The following OPCML variants were observed in gnomAD, a reference collection of about 807,000 sequenced individuals.
OPCML encodes opioid binding protein/cell adhesion molecule like.
A neutral mutation model predicts 37.8 loss-of-function variants in OPCML; 13 were observed. The observed-to-expected ratio is 0.34, with a 90% CI of 0.22 to 0.55. The LOEUF (loss-of-function observed/expected upper bound fraction) is 0.55, where lower values mean the gene tolerates loss of function less well. OPCML is among the 20% of genes least tolerant of loss of function. The pLI, the probability that OPCML is intolerant of heterozygous loss-of-function variation, is 0.91. For missense variants in OPCML, 341 were observed against 435.6 expected (o/e 0.78, Z 1.93); for synonymous variants, 176 against 168.8 (o/e 1.04, Z -0.33).
At chr11:132,975,581 A>AAAC (rs1591868122) in intron 1 of OPCML, among the ~76,000 whole-genome samples, 4 of 127,334 alleles carry the variant, frequency 3.1e-5, no homozygotes, top group Admixed American at 2.7e-4. Context: ...AAAAAAAAAA[A>AAAC]AACAAGCACA....
chr11:132,502,863 G>A (rs913976027), intron 4 of OPCML, among the ~76,000 whole-genome samples: 7 of 152,152 alleles, frequency 4.6e-5, no homozygotes, highest in African/African-American at 1.7e-4. Context: ...CCTCTCTCAC[G>A]ATGACGATGA....
chr11:132,554,624 C>T (rs1383154838), intron 3 of OPCML, among the ~76,000 whole-genome samples: 1 of 152,150 alleles, frequency 6.6e-6, no homozygotes, highest in African/African-American at 2.4e-5. Flanking sequence ...GGTGTCTCAG[C>T]TCATGGTGCC....
chr11:133,110,921 G>A lies in OPCML; in HGVS notation c.62-167911C>T, dbSNP rs186002406. 3.0e-4 allele frequency among the ~76,000 whole-genome samples: 46 copies of A among 152,232 alleles called. 1 individual carries two copies. Among genetic ancestry groups the A allele is most frequent in the African/African-American group, 1.1e-3 (44 of 41,546 alleles). ...GAACACTCATTAACCCCATGCCATT[G>A]GGCAGTTAGTAAACCTTTCTGGTCC... On this transcript the variant is annotated intron_variant, in intron 1 of 7. Transcript: ENST00000524381.
intron 1 of OPCML, among the ~76,000 whole-genome samples, chr11:133,477,989 G>A (rs1450273552): frequency 6.6e-6 from 1 of 152,222 alleles, no homozygotes; most frequent in East Asian, 1.9e-4. Flanking sequence ...TCTATGAGAT[G>A]TGCTTACTGC....
intron 7 of OPCML, among the ~76,000 whole-genome samples, chr11:132,425,038 C>T (rs2095973488): frequency 6.6e-6 from 1 of 152,146 alleles, no homozygotes; most frequent in African/African-American, 2.4e-5. Flanking sequence ...AGCTTCCTGG[C>T]TAGGTCAAAG....
chr11:133,260,931 A>T (rs2136455926), intron 1 of OPCML, among the ~76,000 whole-genome samples: 1 of 152,274 alleles, frequency 6.6e-6, no homozygotes, highest in South Asian at 2.1e-4. Flanking sequence ...AAGGTGGAGG[A>T]CAGAGGCAGA....
At chr11:132,536,505 T>G (rs545262105) in intron 3 of OPCML, among the ~76,000 whole-genome samples, 7 of 152,312 alleles carry the variant, frequency 4.6e-5, no homozygotes, top group African/African-American at 1.4e-4. Flanking sequence ...CTTAAAAATC[T>G]ATTATTATTG....
At chr11:132,549,468 A>G (rs375349462) in intron 3 of OPCML, among the ~76,000 whole-genome samples, 5 of 152,310 alleles carry the variant, frequency 3.3e-5, no homozygotes, top group African/African-American at 1.2e-4. Flanking sequence ...TGGAGTGGTC[A>G]CTCTTTTATT....
intron 1 of OPCML, among the ~76,000 whole-genome samples, chr11:133,107,402 A>G (rs1949176275): frequency 6.6e-6 from 1 of 152,188 alleles, no homozygotes; most frequent in Non-Finnish European, 1.5e-5. Context: ...AAATGCCCTC[A>G]CTGATTTACA....
chr11:133,456,839 A>C (rs1019338010), intron 1 of OPCML, among the ~76,000 whole-genome samples: 1 of 152,180 alleles, frequency 6.6e-6, no homozygotes, highest in African/African-American at 2.4e-5. Context: ...ATCAACTCTG[A>C]AGAGCAAAAG....
intron 2 of OPCML, among the ~76,000 whole-genome samples, chr11:132,756,251 C>G (rs1317048103): frequency 1.3e-5 from 2 of 152,146 alleles, no homozygotes; most frequent in Non-Finnish European, 2.9e-5. Flanking sequence ...TAGTGATGCT[C>G]CCAACACTAA....
In OPCML at chr11:132,738,116, C is replaced by A. The variant is rs150202035; in HGVS notation, c.147-80797G>T. ...ATGCACTGAGATCAGGCAGGAATTGCGCTAGAGTGGGAAGCATTGCTATTC... is the reference window on the plus strand; with the variant it reads ...ATGCACTGAGATCAGGCAGGAATTGAGCTAGAGTGGGAAGCATTGCTATTC... On this transcript the variant is annotated intron_variant, in intron 2 of 7. Transcript: ENST00000524381. Among the ~76,000 whole-genome samples, 265 of 152,236 alleles carry A rather than the reference C, an allele frequency of 1.7e-3. 1 individual carries two copies. Among genetic ancestry groups the A allele is most frequent in the African/African-American group, 6.1e-3 (255 of 41,542 alleles).
At position 132,766,130 on chromosome 11, in the gene OPCML, G is replaced by T. The variant is rs114795948; in HGVS notation, c.147-108811C>A. Reference sequence around the variant, plus strand: ...AAAAAAACTAAATAAATGTTGTAAAGGGGAAAGTTCTTCCTTACATAAATA... The same window carrying T: ...AAAAAAACTAAATAAATGTTGTAAATGGGAAAGTTCTTCCTTACATAAATA... On this transcript the variant is annotated intron_variant, in intron 2 of 7. Transcript: ENST00000524381. Among the ~76,000 whole-genome samples the T allele has an allele frequency of 3.7e-3, 566 of 151,282 alleles. 3 individuals carry two copies. Among genetic ancestry groups the T allele is most frequent in the African/African-American group, 0.013 (528 of 41,228 alleles).
intron 4 of OPCML, among the ~76,000 whole-genome samples, chr11:132,492,138 T>C (rs1282212775): frequency 6.6e-6 from 1 of 151,632 alleles, no homozygotes; most frequent in African/African-American, 2.4e-5. Flanking sequence ...GTATAAGAGG[T>C]GTCACCAGAA....
intron 3 of OPCML, among the ~76,000 whole-genome samples, chr11:132,582,625 T>A (rs181792387): frequency 6.6e-6 from 1 of 151,772 alleles, no homozygotes; most frequent in Non-Finnish European, 1.5e-5. Flanking sequence ...TACAAGAAAA[T>A]TTTCACCAAA....
At chr11:133,525,561 A>G (rs867689714) in intron 1 of OPCML, among the ~76,000 whole-genome samples, 3 of 152,342 alleles carry the variant, frequency 2.0e-5, no homozygotes, top group South Asian at 4.1e-4. Context: ...TGACATCTAC[A>G]CTGCCTACCT....
intron 5 of OPCML, 196 bp from the exon 6 acceptor site, chr11:132,436,975 T>C: frequency 1.1e-6 from 1 of 941,918 alleles, no homozygotes; most frequent in South Asian, 4.9e-5. Flanking sequence ...GACCCCAACC[T>C]CTTTTTCAGG....
intron 1 of OPCML, among the ~76,000 whole-genome samples, chr11:132,983,333 G>A (rs1946626419): frequency 6.6e-6 from 1 of 152,248 alleles, no homozygotes. Flanking sequence ...CAGGCCTGGT[G>A]CCAACTCCAT....
intron 3 of OPCML, among the ~76,000 whole-genome samples, chr11:132,563,399 T>A (rs190742224): frequency 6.6e-6 from 1 of 152,054 alleles, no homozygotes; most frequent in Non-Finnish European, 1.5e-5. Flanking sequence ...GGTGCCTTAC[T>A]TCTCCCCGAA....
Sources: gnomAD v4.1 joint callset for allele counts (sites outside exome capture counted in the v4.1 genomes callset) on GRCh38, gnomAD v4.1.1 for gene constraint, MANE v1.5 for transcripts, NCBI Gene and HGNC (gene_info 2026-07-23, HGNC 2026-07-21) for gene names.